The following STRBP variants were observed in gnomAD, a reference collection of about 807,000 sequenced individuals.
STRBP encodes spermatid perinuclear RNA binding protein.
In STRBP, 13 loss-of-function variants were observed where a neutral mutation model predicts 80.1. The observed-to-expected ratio is 0.16, with a 90% CI of 0.11 to 0.26. STRBP has a LOEUF of 0.26. Ranked by LOEUF, STRBP falls within the 10% of genes least tolerant of loss-of-function variation. The pLI is 1.00. For synonymous variants in STRBP, 284 were observed against 291.2 expected (o/e 0.98, Z 0.25); for missense variants, 485 against 815.2 (o/e 0.59, Z 4.93).
At chr9:123,224,336 T>C (rs1180585856) in intron 2 of STRBP, among the ~76,000 whole-genome samples, 1 of 152,156 alleles carries the variant, frequency 6.6e-6, no homozygotes, top group Admixed American at 6.5e-5. Flanking sequence ...ACAAAACAGC[T>C]TTCATTAACT....
Position 123,136,226 on chromosome 9 carries a change from C to G in STRBP, c.1633-45G>C. 6.2e-7 allele frequency: 1 copy of G among 1,607,332 alleles called. No individual in the cohort carries two copies. The highest frequency in any genetic ancestry group is 2.2e-5 in the East Asian group (1 of 44,806). Reference sequence around the variant, plus strand: ...CTTGCAATTATCCCATGCAATTCCTCTATGTCCTTTTAATTTAAATAGATT... The same window carrying G: ...CTTGCAATTATCCCATGCAATTCCTGTATGTCCTTTTAATTTAAATAGATT... On this transcript the variant is annotated intron_variant, in intron 15 of 18. Transcript: ENST00000348403. This position sits in a 1 kb window ranked among gnomAD's most constrained non-coding sequence, Gnocchi z 4.2.
At chr9:123,151,757 C>T (rs779381810) in intron 11 of STRBP, among the ~76,000 whole-genome samples, 1 of 151,988 alleles carries the variant, frequency 6.6e-6, no homozygotes, top group African/African-American at 2.4e-5. Flanking sequence ...TGTATTCATC[C>T]ACCTCATAAA....
chr9:123,152,370 A>C (rs2037094326), intron 11 of STRBP, among the ~76,000 whole-genome samples: 1 of 152,132 alleles, frequency 6.6e-6, no homozygotes, highest in Admixed American at 6.5e-5. Flanking sequence ...TGTTTTTGTG[A>C]CTTGCCCACA....
intron 4 of STRBP, 119 bp downstream of exon 4, chr9:123,178,888 A>C: frequency 2.6e-6 from 2 of 775,794 alleles, no homozygotes; most frequent in African/African-American, 3.4e-5. Flanking sequence ...CCTTGGTTAT[A>C]GTCTCACATA....
chr9:123,184,086 T>C, intron 3 of STRBP, 46 bp downstream of exon 3: 1 of 1,566,298 alleles, frequency 6.4e-7, no homozygotes, highest in Non-Finnish European at 8.7e-7. Flanking sequence ...TTTAAATTAC[T>C]GGAGTCTTTT....
In STRBP at chr9:123,126,186, A is replaced by G. The variant is rs1262391320; in HGVS notation, c.1943-513T>C. 2.0e-5 allele frequency among the ~76,000 whole-genome samples: 3 copies of G among 152,234 alleles called. No homozygotes were observed. The highest frequency in any genetic ancestry group is 1.5e-5 in the Non-Finnish European group (1 of 68,034). Reference sequence around the variant, plus strand: ...TAATTACTTTCTGAATTTGTAATTAATACGTTCTTGTGGCCTCACAGACTT... The same window carrying G: ...TAATTACTTTCTGAATTTGTAATTAGTACGTTCTTGTGGCCTCACAGACTT... On this transcript the variant is annotated intron_variant, in intron 18 of 18. Coordinates refer to ENST00000348403, the MANE Select transcript of STRBP (RefSeq NM_018387.5). The surrounding 1 kb of genome is among the most constrained non-coding windows in gnomAD (Gnocchi z 4.4).
In STRBP at chr9:123,160,439, T is replaced by C; in HGVS notation, c.651A>G (p.Ser217=). ...GCAGAATGCGGAGGACAATTACACA[T>C]GATTTTAATCCATTTGCCCTTGCCT... is the stretch of plus-strand genomic sequence containing the variant. The part of the protein sequence containing the change: ...WFQARANGLK[S]CVIVLRILRD... The change falls in exon 8 of 19, where the codon TCA becomes TCG. Residue 217 remains serine, a synonymous_variant. Coordinates refer to ENST00000348403, the MANE Select transcript of STRBP (RefSeq NM_018387.5). 6.2e-7 allele frequency: 1 copy of C among 1,603,606 alleles called. No individual in the cohort carries two copies.
chr9:123,228,898 G>A (rs958889463), intron 2 of STRBP, among the ~76,000 whole-genome samples: 4 of 152,140 alleles, frequency 2.6e-5, no homozygotes, highest in African/African-American at 9.7e-5. Context: ...AATGTTCACG[G>A]CGGCATTTTT....
intron 2 of STRBP, among the ~76,000 whole-genome samples, chr9:123,214,865 G>T (rs764995785): frequency 1.3e-5 from 2 of 152,096 alleles, no homozygotes; most frequent in Non-Finnish European, 2.9e-5. Context: ...CAAAATCCTG[G>T]CTGATTTTTT....
intron 1 of STRBP, among the ~76,000 whole-genome samples, chr9:123,245,047 G>A (rs932103768): frequency 6.6e-6 from 1 of 152,134 alleles, no homozygotes; most frequent in Non-Finnish European, 1.5e-5. Context: ...AAAAAGCCAA[G>A]CTGAAAAGTT....
At chr9:123,169,204 T>C (rs2037902352) in intron 6 of STRBP, among the ~76,000 whole-genome samples, 1 of 151,204 alleles carries the variant, frequency 6.6e-6, no homozygotes, top group Non-Finnish European at 1.5e-5. Flanking sequence ...AGTCTTGCTC[T>C]GTCACCCAGG....
intron 2 of STRBP, among the ~76,000 whole-genome samples, chr9:123,195,449 TGAAAACTGCAC>T: frequency 6.6e-6 from 1 of 152,268 alleles, no homozygotes; most frequent in Non-Finnish European, 1.5e-5. Flanking sequence ...TGCAAAAACC[TGAAAACTGCAC>T]CAAAAAAACT....
Position 123,135,940 on chromosome 9 carries a change from A to G in STRBP, c.1773+101T>C, listed in dbSNP as rs1262858192. ...AGGTCACCAAGTCCAAGAAAAGGAA[A>G]CAACTTCAGAAAAAGCTAAAGTGCC... On this transcript the variant is annotated intron_variant, in intron 16 of 18. Transcript: ENST00000348403. 6 of 1,484,320 alleles carry G rather than the reference A, an allele frequency of 4.0e-6. No homozygotes were observed. In the Admixed American group the frequency reaches 8.5e-5, roughly 21 times the overall value. 91.9% of individuals were successfully genotyped at this position (1,484,320 alleles called of 1,614,324 possible). A position where few individuals can be genotyped will look rare whatever the true frequency, so the allele number is the denominator to read the frequency against.
chr9:123,212,137 C>G (rs1195778415), intron 2 of STRBP, among the ~76,000 whole-genome samples: 1 of 152,108 alleles, frequency 6.6e-6, no homozygotes, highest in East Asian at 1.9e-4. Flanking sequence ...TAGGATTTTC[C>G]TAACAACTCA....
intron 2 of STRBP, among the ~76,000 whole-genome samples, chr9:123,201,837 T>C (rs1010203283): frequency 6.6e-6 from 1 of 152,232 alleles, no homozygotes; most frequent in Non-Finnish European, 1.5e-5. Context: ...GTGCTGTCAG[T>C]GGTGTACTGA....
At chr9:123,240,214 C>T in intron 1 of STRBP, among the ~76,000 whole-genome samples, 1 of 151,982 alleles carries the variant, frequency 6.6e-6, no homozygotes, top group South Asian at 2.1e-4. Flanking sequence ...TTCCTTTTTT[C>T]TCCTTCAATT....
intron 11 of STRBP, among the ~76,000 whole-genome samples, chr9:123,156,510 G>A (rs2037291417): frequency 6.6e-6 from 1 of 151,926 alleles, no homozygotes; most frequent in South Asian, 2.1e-4. Flanking sequence ...TATGCTTTGT[G>A]GGTAATATCT....
rs945720623 is a variant in STRBP, at chr9:123,244,955, G to C, written c.-301-7989C>G. 2.6e-5 allele frequency among the ~76,000 whole-genome samples: 4 copies of C among 152,100 alleles called. No individual in the cohort carries two copies. The East Asian group carries it at 7.7e-4, about 29-fold the overall frequency. On this transcript the variant is annotated intron_variant, in intron 1 of 18. Transcript: ENST00000348403. ...CTGTGATACTTCCCTACCTACCATG[G>C]AATACTACTTAACTATAAAAAGGAA...
At chr9:123,197,667 CTTTTTTTTTTTT>C (rs71388358) in intron 2 of STRBP, among the ~76,000 whole-genome samples, 6 of 87,382 alleles carry the variant, frequency 6.9e-5, no homozygotes, top group South Asian at 4.5e-4. Context: ...AAACATATTT[CTTTTTTTTTTTT>C]TTTTTTTTTT....
Sources: allele counts gnomAD v4.1 joint callset (sites outside exome capture counted in the v4.1 genomes callset), GRCh38; gene constraint gnomAD v4.1.1; non-coding constraint Gnocchi (gnomAD v3.1); transcripts MANE v1.5; gene names NCBI Gene and HGNC (gene_info 2026-07-23, HGNC 2026-07-21).